LARGE1: variants seen among roughly 807,000 people sequenced by gnomAD.
The protein encoded by LARGE1 is xylosyl- and glucuronyltransferase LARGE1.
A neutral mutation model predicts 87.6 loss-of-function variants in LARGE1; 43 were observed. The ratio of observed to expected loss-of-function variants is 0.49; its 90% CI spans 0.38 to 0.63. LARGE1 has a LOEUF of 0.63. Ranked by LOEUF, LARGE1 falls within the 30% of genes least tolerant of loss-of-function variation. The pLI is 0.00. For missense variants in LARGE1, 802 were observed against 1,000.2 expected (o/e 0.80, Z 2.67); for synonymous variants, 434 against 394.6 (o/e 1.10, Z -1.18).
At chr22:33,283,407 C>A (rs1930860061) in intron 12 of LARGE1, 59 bp from the exon 13 acceptor site, 1 of 1,595,168 alleles carries the variant, frequency 6.3e-7, no homozygotes, top group South Asian at 1.1e-5. Flanking sequence ...CAAGGTCTTT[C>A]CCCCATGAGG....
intron 12 of LARGE1, among the ~76,000 whole-genome samples, chr22:33,302,533 G>T (rs1029279049): frequency 4.6e-5 from 7 of 152,162 alleles, no homozygotes; most frequent in Non-Finnish European, 7.3e-5. Flanking sequence ...ACAGCGCAGG[G>T]CACGGAGGGT....
chr22:33,770,691 A>G (rs896403755), intron 1 of LARGE1, among the ~76,000 whole-genome samples: 2 of 152,192 alleles, frequency 1.3e-5, no homozygotes, highest in Non-Finnish European at 2.9e-5. Flanking sequence ...TCTCTAAAAA[A>G]TAGAAAATAA....
At chr22:33,666,661 CAG>C (rs2149250644) in intron 2 of LARGE1, among the ~76,000 whole-genome samples, 1 of 152,286 alleles carries the variant, frequency 6.6e-6, no homozygotes, top group East Asian at 1.9e-4. Context: ...CAGGAGGAAT[CAG>C]AAATCTTTTT....
the LARGE1 span, among the ~76,000 whole-genome samples, chr22:33,084,219 A>G: frequency 6.6e-6 from 1 of 152,044 alleles, no homozygotes; most frequent in Non-Finnish European, 1.5e-5. Context: ...AGTTAGGTAC[A>G]CTCTCTGATA....
the LARGE1 span, among the ~76,000 whole-genome samples, chr22:33,074,399 G>A: frequency 1.2e-4 from 18 of 152,300 alleles, no homozygotes; most frequent in Admixed American, 2.6e-4. Context: ...TTCCGGCTGG[G>A]CGTGGTGGCT....
At chr22:33,638,288 A>G (rs541845447) in intron 3 of LARGE1, among the ~76,000 whole-genome samples, 1 of 152,268 alleles carries the variant, frequency 6.6e-6, no homozygotes, top group Non-Finnish European at 1.5e-5. Flanking sequence ...TTTTATAAAC[A>G]TGTTGCCTCC....
intron 7 of LARGE1, among the ~76,000 whole-genome samples, chr22:33,431,401 C>T (rs1038756629): frequency 5.3e-5 from 8 of 152,180 alleles, no homozygotes; most frequent in Admixed American, 1.3e-4. Context: ...GGGCTAGTAA[C>T]GAGGTAGAAT....
intron 5 of LARGE1, among the ~76,000 whole-genome samples, chr22:33,577,358 T>C (rs1316018939): frequency 6.6e-6 from 1 of 152,204 alleles, no homozygotes; most frequent in Admixed American, 6.5e-5. Flanking sequence ...CAGAGAAGTA[T>C]GCAAAAGCAC....
chr22:33,611,611 T>C (rs992872106), intron 4 of LARGE1, among the ~76,000 whole-genome samples: 2 of 152,212 alleles, frequency 1.3e-5, no homozygotes, highest in African/African-American at 4.8e-5. Context: ...AGATGGGACT[T>C]TGAACTTGGG....
intron 2 of LARGE1, among the ~76,000 whole-genome samples, chr22:33,656,702 G>A (rs946242085): frequency 6.6e-6 from 1 of 152,070 alleles, no homozygotes; most frequent in Non-Finnish European, 1.5e-5. Flanking sequence ...CATGCAATAC[G>A]TGTGTGTGTT....
In LARGE1 at chr22:33,290,895, T is replaced by C. The variant is rs545349064; in HGVS notation, c.1731-7547A>G. Among the ~76,000 whole-genome samples, 157 of 152,052 alleles carry C rather than the reference T, an allele frequency of 1.0e-3. 1 individual carries two copies. Among genetic ancestry groups the C allele is most frequent in the South Asian group, 6.8e-3 (33 of 4,818 alleles). The stretch of plus-strand genomic sequence containing the variant: ...CTCTACTAAAAATACAAAAATTAGC[T>C]GGGTGTGGTGGTGCGTGTCTATAAT... On this transcript the variant is annotated intron_variant, in intron 12 of 14. Coordinates refer to ENST00000397394, the MANE Select transcript of LARGE1 (RefSeq NM_133642.5).
the LARGE1 span, among the ~76,000 whole-genome samples, chr22:33,112,593 G>C: frequency 6.6e-6 from 1 of 152,184 alleles, no homozygotes; most frequent in African/African-American, 2.4e-5. Flanking sequence ...TTTCAAGACT[G>C]AAATCTTGTT....
chr22:33,650,715 C>A (rs1202477804), intron 2 of LARGE1, 47 bp from the exon 3 acceptor site: 2 of 1,591,812 alleles, frequency 1.3e-6, no homozygotes, highest in Non-Finnish European at 1.7e-6. Flanking sequence ...TGAACCATGC[C>A]TCAAGCCCCT....
intron 3 of LARGE1, among the ~76,000 whole-genome samples, chr22:33,632,874 A>C (rs765568031): frequency 2.0e-5 from 3 of 152,236 alleles, no homozygotes; most frequent in South Asian, 2.1e-4. Flanking sequence ...AAAGCTCTTG[A>C]GTAATGAACC....
At chr22:33,717,260 C>A (rs897985722) in intron 2 of LARGE1, among the ~76,000 whole-genome samples, 5 of 152,148 alleles carry the variant, frequency 3.3e-5, no homozygotes, top group Non-Finnish European at 5.9e-5. Context: ...GATTCATTTT[C>A]TTGCAATATC....
intron 5 of LARGE1, among the ~76,000 whole-genome samples, chr22:33,593,684 C>G (rs1320708339): frequency 6.6e-6 from 1 of 152,188 alleles, no homozygotes. Flanking sequence ...TACCAGATTT[C>G]AAAGACTTAA....
chr22:33,635,365 GT>G (rs1260903488), intron 3 of LARGE1, among the ~76,000 whole-genome samples: 1 of 152,092 alleles, frequency 6.6e-6, no homozygotes, highest in Admixed American at 6.6e-5. Context: ...GTCCACCCCT[GT>G]ATGTAAGTTC....
chr22:33,309,468 T>C (rs1423245194), intron 11 of LARGE1, among the ~76,000 whole-genome samples: 2 of 152,074 alleles, frequency 1.3e-5, no homozygotes. Flanking sequence ...CACCTAGCCT[T>C]CATGCCCTTT....
At chr22:33,095,165 C>A in the LARGE1 span, among the ~76,000 whole-genome samples, 1 of 152,200 alleles carries the variant, frequency 6.6e-6, no homozygotes, top group African/African-American at 2.4e-5. Context: ...CAAATTACCA[C>A]AAAGTGGCTT....
Sources: allele counts gnomAD v4.1 joint callset (sites outside exome capture counted in the v4.1 genomes callset), GRCh38; gene constraint gnomAD v4.1.1; transcripts MANE v1.5; gene names NCBI Gene and HGNC (gene_info 2026-07-23, HGNC 2026-07-21).